PLXNB2: variants seen among roughly 807,000 people sequenced by gnomAD.
PLXNB2 encodes the protein plexin B2, also known as plexin-B2.
A neutral mutation model predicts 202.6 loss-of-function variants in PLXNB2; 85 were observed. The ratio of observed to expected loss-of-function variants is 0.42; its 90% CI spans 0.35 to 0.50. The LOEUF is 0.50. PLXNB2 is among the 20% of genes least tolerant of loss of function. The pLI is 0.02. For synonymous variants in PLXNB2, 1,239 were observed against 1,137.6 expected (o/e 1.09, Z -1.79); for missense variants, 2,063 against 2,586.2 (o/e 0.80, Z 4.39).
intron 28 of PLXNB2, 51 bp downstream of exon 28, chr22:50,278,804 A>C (rs769032807): frequency 1.3e-6 from 2 of 1,598,686 alleles, no homozygotes; most frequent in Non-Finnish European, 8.5e-7. Context: ...CCCAGGACAC[A>C]GGCCAGGCAC....
In PLXNB2 at chr22:50,288,218, C is replaced by A. The variant is rs914423678; in HGVS notation, c.1381-181G>T. Among the ~76,000 whole-genome samples, 8 of 152,112 alleles carry A rather than the reference C, an allele frequency of 5.3e-5. No individual in the cohort carries two copies. Among genetic ancestry groups the A allele is most frequent in the Non-Finnish European group, 1.2e-4 (8 of 68,006 alleles). On this transcript the variant is annotated intron_variant, in intron 5 of 36. Coordinates refer to ENST00000359337, the MANE Select transcript of PLXNB2 (RefSeq NM_012401.4). The surrounding 1 kb of genome is among the most constrained non-coding windows in gnomAD (Gnocchi z 5.0). ...GGGTGGCCATGCCTGGCCCAGGATC[C>A]CGATGGGAGCCCAGGGAAGCCTGGA...
rs115523566 is a variant in PLXNB2 at position 50,303,965 on chromosome 22, G to A, written c.-74+3588C>T. The stretch of plus-strand genomic sequence containing the variant: ...CCTGCCCCCAGGCGCCCTGATCCCA[G>A]CCCAGGGCAGTCTCCTCCCTCACCT... On this transcript the variant is annotated intron_variant, in intron 1 of 36. Coordinates refer to ENST00000359337, the MANE Select transcript of PLXNB2 (RefSeq NM_012401.4). Among the ~76,000 whole-genome samples, 1,421 of 152,344 alleles carry A rather than the reference G, an allele frequency of 9.3e-3. 36 individuals are homozygous for A. Among genetic ancestry groups the A allele is most frequent in the African/African-American group, 0.032 (1,339 of 41,572 alleles).
chr22:50,290,665 C>T (rs1601730370), intron 2 of PLXNB2, 68 bp from the exon 3 acceptor site: 2 of 1,440,660 alleles, frequency 1.4e-6, no homozygotes. Context: ...CCTCTCCAGT[C>T]CCTGCCCCAA....
At chr22:50,300,629 T>G (rs879309894) in intron 1 of PLXNB2, among the ~76,000 whole-genome samples, 11 of 152,234 alleles carry the variant, frequency 7.2e-5, no homozygotes, top group Non-Finnish European at 1.5e-4. Context: ...CGGTCCCCGC[T>G]GGACTCTCGG....
Position 50,285,180 on chromosome 22 carries a change from T to C in PLXNB2, c.2089-515A>G, listed in dbSNP as rs1185404982. 3.6e-3 allele frequency among the ~76,000 whole-genome samples: 427 copies of C among 118,768 alleles called. 1 individual carries two copies. Among genetic ancestry groups the C allele is most frequent in the African/African-American group, 9.7e-3 (297 of 30,466 alleles). 77.9% of individuals were successfully genotyped at this position (118,768 alleles called of 152,430 possible). A position where few individuals can be genotyped will look rare whatever the true frequency, so the allele number is the denominator to read the frequency against. On this transcript the variant is annotated intron_variant, in intron 11 of 36. Transcript: ENST00000359337. ...GCACTGGCCGGCACCCCTCCCTCCG[T>C]ACCTTAGCCTGCCTGTCACCAACCG...
chr22:50,307,601 C>T lies in PLXNB2; in HGVS notation c.-122G>A, dbSNP rs1175167480. On this transcript the variant is annotated 5_prime_UTR_variant, in exon 1 of 37. Coordinates refer to ENST00000359337, the MANE Select transcript of PLXNB2 (RefSeq NM_012401.4). ...GATGGCGCCCGGGCCGCGCTCGGCG[C>T]TGCGCTCTGGCCCGCGCTGCTGCCA... 45 of 982,116 alleles carry T rather than the reference C, an allele frequency of 4.6e-5. No individual in the cohort carries two copies. Among genetic ancestry groups the T allele is most frequent in the Admixed American group, 6.2e-5 (1 of 16,048 alleles). 60.8% of individuals were successfully genotyped at this position (982,116 alleles called of 1,614,324 possible).
intron 27 of PLXNB2, among the ~76,000 whole-genome samples, chr22:50,279,256 C>T (rs1342244517): frequency 1.3e-5 from 2 of 152,238 alleles, no homozygotes; most frequent in East Asian, 1.9e-4. Context: ...CAGGCTGTCA[C>T]GCAAGCTCAT....
At chr22:50,306,242 G>A (rs2067878266) in intron 1 of PLXNB2, among the ~76,000 whole-genome samples, 1 of 152,194 alleles carries the variant, frequency 6.6e-6, no homozygotes, top group East Asian at 1.9e-4. Context: ...AGACCCCCCG[G>A]GACAGAGGTG....
chr22:50,287,562 A>G, intron 7 of PLXNB2, 105 bp downstream of exon 7: 2 of 1,153,996 alleles, frequency 1.7e-6, no homozygotes, highest in African/African-American at 1.5e-5. Flanking sequence ...CAGGCGGGGG[A>G]GATGTGGAGC....
intron 8 of PLXNB2, 115 bp from the exon 9 acceptor site, chr22:50,286,402 G>C (rs1224095852): frequency 2.9e-6 from 2 of 692,600 alleles, no homozygotes; most frequent in Non-Finnish European, 2.5e-6. Flanking sequence ...GTCTTCAGGG[G>C]GCCCTGCCAG....
At chr22:50,300,298 C>T (rs956710930) in intron 1 of PLXNB2, 99 of 985,172 alleles carry the variant, frequency 1.0e-4, no homozygotes, top group East Asian at 1.1e-4. Flanking sequence ...CACATCGGAT[C>T]GCACAGCCGG....
Position 50,277,933 on chromosome 22 carries a change from G to A in PLXNB2, c.4968C>T (p.Tyr1656=), listed in dbSNP as rs761656552. The change falls in exon 32 of 37, where the codon TAC becomes TAT. Residue 1656 remains tyrosine, a synonymous_variant. Coordinates refer to ENST00000359337, the MANE Select transcript of PLXNB2 (RefSeq NM_012401.4). ...CCTGCTCGTCCAGGAAGTCGAAGAA[G>A]TACTTGACTGCAGGTGGCACCGCGT... ...PGHAVPPAVK[Y]FFDFLDEQAE... is the part of the protein sequence containing the mutation. 17 of 1,613,056 alleles carry A rather than the reference G, an allele frequency of 1.1e-5. No homozygotes were observed. Among genetic ancestry groups the A allele is most frequent in the South Asian group, 8.8e-5 (8 of 91,076 alleles).
At chr22:50,296,089 G>A (rs1474240482) in intron 1 of PLXNB2, among the ~76,000 whole-genome samples, 1 of 151,672 alleles carries the variant, frequency 6.6e-6, no homozygotes, top group Non-Finnish European at 1.5e-5. Flanking sequence ...GCAACAGAGT[G>A]AGACTCCGTC....
rs1296480979 is a variant in PLXNB2, at chr22:50,277,995, C to T, written c.4906G>A (p.Val1636Met). 3 of 1,612,704 alleles carry T rather than the reference C, an allele frequency of 1.9e-6. No individual in the cohort carries two copies. The highest frequency in any genetic ancestry group is 2.5e-6 in the Non-Finnish European group (3 of 1,179,830). Residue 1636 changes from valine to methionine, a missense_variant, in exon 32 of 37, where the codon GTG (valine) becomes ATG (methionine). By Grantham distance (21) the Val-to-Met change is conservative (BLOSUM62 1). Transcript: ENST00000359337. Reference sequence around the variant, plus strand: ...AGCACGCTCTGGAAGAAGTTGTCCACAAACTGCTGCAGTGTGCCCTGTGGG... The same window carrying T: ...AGCACGCTCTGGAAGAAGTTGTCCATAAACTGCTGCAGTGTGCCCTGTGGG... ...LSVKGTLQQF[V>M]DNFFQSVLAP...
intron 1 of PLXNB2, chr22:50,301,275 G>T: frequency 4.3e-6 from 2 of 461,346 alleles, no homozygotes; most frequent in South Asian, 9.1e-5. Flanking sequence ...TCCAACCTGG[G>T]CACAGCTGCA....
intron 1 of PLXNB2, among the ~76,000 whole-genome samples, chr22:50,296,317 A>C (rs1434445748): frequency 6.6e-6 from 1 of 152,086 alleles, no homozygotes; most frequent in Non-Finnish European, 1.5e-5. Context: ...GAGGAGGCTA[A>C]GGCAGAGTAG....
rs2066221557 is a variant in PLXNB2, at chr22:50,283,998, G to A, written c.2264-8C>T. On this transcript the variant is annotated splice_polypyrimidine_tract_variant and splice_region_variant and intron_variant, in intron 13 of 36. Transcript: ENST00000359337. Reference sequence around the variant, plus strand: ...AGCAGTTGTAGAGGGTCACTGCGGGGAGAGCTGCCGTCAGTGGTCACCCCG... The same window carrying A: ...AGCAGTTGTAGAGGGTCACTGCGGGAAGAGCTGCCGTCAGTGGTCACCCCG... 3.9e-6 allele frequency: 6 copies of A among 1,535,528 alleles called. No homozygotes were observed. The highest frequency in any genetic ancestry group is 5.2e-6 in the Non-Finnish European group (6 of 1,144,822).
rs1389925655 is a variant in PLXNB2 at position 50,278,271 on chromosome 22, C to A, written c.4733G>T (p.Arg1578Leu). Residue 1578 changes from arginine to leucine, a missense_variant and splice_region_variant, in exon 31 of 37, where the codon CGC becomes CTC. Physicochemically the swap from Arg to Leu is moderately radical, Grantham distance 102 (BLOSUM62 -2). Coordinates refer to ENST00000359337, the MANE Select transcript of PLXNB2 (RefSeq NM_012401.4). ...EDSQQDLPGE[R>L]HALLEEENRV... ...GTTCTCCTCCTCCAGGAGGGCATGG[C>A]CTGTGGGGAGCGGGCACTGAGGGAC... is the stretch of plus-strand genomic sequence containing the variant. 3.1e-6 allele frequency: 5 copies of A among 1,610,714 alleles called. No homozygotes were observed. In the South Asian group the frequency reaches 3.3e-5, roughly 11 times the overall value.
Position 50,278,182 on chromosome 22 carries a change from C to T in PLXNB2, c.4822G>A (p.Val1608Met), listed in dbSNP as rs574952389. The T allele has an allele frequency of 4.6e-5, 74 of 1,606,954 alleles. No homozygotes were observed. In the East Asian group the frequency reaches 1.0e-3, roughly 22 times the overall value. The change falls in exon 31 of 37, where the codon GTG becomes ATG. Residue 1608 changes from valine to methionine, a missense_variant. Val to Met is a conservative substitution (Grantham distance 21). Transcript: ENST00000359337. Reference sequence around the variant, plus strand: ...GCCTTCGTCCGCTCCTTCTCTTTCACGCTGCCTCTCTTGGACTTGCCCTCG... The same window carrying T: ...GCCTTCGTCCGCTCCTTCTCTTTCATGCTGCCTCTCTTGGACTTGCCCTCG... ...VDEGKSKRGS[V>M]KEKERTKAIT... is the part of the protein sequence containing the mutation.
Sources: gnomAD v4.1 joint callset for allele counts (sites outside exome capture counted in the v4.1 genomes callset) on GRCh38, gnomAD v4.1.1 for gene constraint, Gnocchi (gnomAD v3.1) non-coding constraint, MANE v1.5 for transcripts, NCBI Gene and HGNC (gene_info 2026-07-23, HGNC 2026-07-21) for gene names.